UBE3C: variants seen among roughly 807,000 people sequenced by gnomAD.
UBE3C encodes ubiquitin-protein ligase E3C.
Under a neutral mutation model 129.4 loss-of-function variants are expected in UBE3C, and 42 were observed. The observed-to-expected ratio is 0.32, with a 90% CI of 0.25 to 0.42. The LOEUF (loss-of-function observed/expected upper bound fraction) is 0.42, where lower values mean the gene tolerates loss of function less well. UBE3C is among the 10% of genes least tolerant of loss of function. UBE3C has a pLI of 1.00. For missense variants in UBE3C, 1,049 were observed against 1,319.1 expected, an observed-to-expected ratio of 0.80 and a Z score of 3.17; for synonymous variants, 510 against 492.4, an observed-to-expected ratio of 1.04 and a Z score of -0.47.
At chr7:157,197,506 T>G in intron 10 of UBE3C, 8 of 816,462 alleles carry the variant, frequency 9.8e-6, no homozygotes, top group Non-Finnish European at 1.2e-5. Context: ...ATAAAAATAA[T>G]TTGTTTTTTT....
chr7:157,160,427 A>G (rs1049801882), intron 1 of UBE3C, among the ~76,000 whole-genome samples: 4 of 152,076 alleles, frequency 2.6e-5, no homozygotes, highest in Non-Finnish European at 5.9e-5. Context: ...ATTTGGGGGG[A>G]TGCCTTCTGT....
chr7:157,245,968 G>A (rs567014038), intron 18 of UBE3C, among the ~76,000 whole-genome samples: 13 of 142,770 alleles, frequency 9.1e-5, no homozygotes, highest in African/African-American at 2.3e-4. Context: ...ACTCCAGCCC[G>A]GGCAACAGAG....
chr7:157,232,266 T>C (rs1796041178), intron 18 of UBE3C, among the ~76,000 whole-genome samples: 1 of 152,200 alleles, frequency 6.6e-6, no homozygotes, highest in African/African-American at 2.4e-5. Flanking sequence ...ATTCACAGAT[T>C]AGGATTTGAA....
In UBE3C at chr7:157,257,574, A is replaced by G. The variant is rs898419100; in HGVS notation, c.3081+530A>G. On this transcript the variant is annotated intron_variant, in intron 22 of 22. Coordinates refer to ENST00000348165, the MANE Select transcript of UBE3C (RefSeq NM_014671.3). ...ACATGATGAAACCCTGTCTTTGCTAAAAATACAGAAAAATGAGCCAGGCAT... is the reference window on the plus strand; with the variant it reads ...ACATGATGAAACCCTGTCTTTGCTAGAAATACAGAAAAATGAGCCAGGCAT... 3.3e-5 allele frequency among the ~76,000 whole-genome samples: 5 copies of G among 152,008 alleles called. No individual in the cohort carries two copies. The East Asian group carries it at 9.6e-4, about 29-fold the overall frequency.
chr7:157,237,114 T>C lies in UBE3C; in HGVS notation c.2481+5787T>C, dbSNP rs1418841716. ...TAGATTCTACAGTTAAAATGGGAGA[T>C]GTATTCCTGAATTCAGTTGATTGCT... On this transcript the variant is annotated intron_variant, in intron 18 of 22. Transcript: ENST00000348165. 2.6e-5 allele frequency among the ~76,000 whole-genome samples: 4 copies of C among 152,276 alleles called. No homozygotes were observed. In the South Asian group the frequency reaches 6.2e-4, roughly 24 times the overall value.
chr7:157,206,323 C>T (rs1159000184), intron 11 of UBE3C, among the ~76,000 whole-genome samples: 2 of 152,148 alleles, frequency 1.3e-5, no homozygotes, highest in Non-Finnish European at 2.9e-5. Context: ...AGTGCAATGG[C>T]ACGATCTCGG....
rs1023528201 is a variant in UBE3C, at chr7:157,211,193, A to AGAGAGAGAGAGAGC, written c.1809+3259_1809+3260insAGAGAGAGAGAGCG. 7.9e-5 allele frequency among the ~76,000 whole-genome samples: 12 copies of AGAGAGAGAGAGAGC among 151,608 alleles called. No homozygotes were observed. The East Asian group carries it at 1.6e-3, about 20-fold the overall frequency. ...GAGAGAGAGAGAGAGAGAGAGAGAG[A>AGAGAGAGAGAGAGC]GCCATACTATGAGTGATTTTTTTAC... On this transcript the variant is annotated intron_variant, in intron 13 of 22. Transcript: ENST00000348165.
intron 1 of UBE3C, among the ~76,000 whole-genome samples, chr7:157,159,578 C>T (rs148888486): frequency 6.6e-6 from 1 of 152,330 alleles, no homozygotes; most frequent in Non-Finnish European, 1.5e-5. Context: ...TGATTAAATA[C>T]CATTTGCAGC....
chr7:157,164,627 AT>A, intron 2 of UBE3C: 1 of 357,202 alleles, frequency 2.8e-6, no homozygotes, highest in South Asian at 2.1e-5. Flanking sequence ...TTAATCAGCA[AT>A]TGTACTATCT....
intron 1 of UBE3C, chr7:157,140,103 A>G: frequency 1.1e-6 from 1 of 921,896 alleles, no homozygotes. Flanking sequence ...GAAGACGGGC[A>G]TCAGTTGGTT....
chr7:157,207,816 A>G lies in UBE3C; in HGVS notation c.1690A>G (p.Thr564Ala). 6.2e-7 allele frequency: 1 copy of G among 1,614,160 alleles called. No individual in the cohort carries two copies. Among genetic ancestry groups the G allele is most frequent in the East Asian group, 2.2e-5 (1 of 44,878 alleles). Residue 564 changes from threonine (T) to alanine (A), a missense_variant, in exon 13 of 23, where the codon ACC (threonine) becomes GCC (alanine). Physicochemically the swap from Thr to Ala is moderately conservative, Grantham distance 58 (BLOSUM62 0). This residue lies in a region of UBE3C where 314 missense variants were observed against 416.9 expected (regional missense o/e 0.75). Transcript: ENST00000348165. ...GATCATCAAGTTGGCTTATCCAGAAACCAAGCCAGAAGTTCGAGAAGAATA... is the reference window on the plus strand; with the variant it reads ...GATCATCAAGTTGGCTTATCCAGAAGCCAAGCCAGAAGTTCGAGAAGAATA... ...LGIIKLAYPE[T>A]KPEVREEYIT...
At chr7:157,258,492 G>A (rs1435411130) in intron 22 of UBE3C, among the ~76,000 whole-genome samples, 1 of 151,450 alleles carries the variant, frequency 6.6e-6, no homozygotes. Context: ...TTACTCTGTC[G>A]CCCAGGCTGG....
At chr7:157,217,600 G>A (rs1795617831) in intron 14 of UBE3C, among the ~76,000 whole-genome samples, 1 of 152,160 alleles carries the variant, frequency 6.6e-6, no homozygotes, top group Admixed American at 6.5e-5. Context: ...ACTTGGGGAA[G>A]CCGACGGGCA....
At chr7:157,267,437 C>CA in intron 22 of UBE3C, 148 bp from the exon 23 acceptor site, 1 of 1,009,420 alleles carries the variant, frequency 9.9e-7, no homozygotes, top group South Asian at 1.5e-5. Context: ...AAACAAACAA[C>CA]AACAACAAAG....
Position 157,201,751 on chromosome 7 carries a change from G to C in UBE3C, c.1362G>C (p.Arg454Ser), listed in dbSNP as rs747052922. 2.5e-6 allele frequency: 4 copies of C among 1,606,094 alleles called. No homozygotes were observed. Among genetic ancestry groups the C allele is most frequent in the Non-Finnish European group, 3.4e-6 (4 of 1,177,244 alleles). ...RLLYSLAFNA[R>S]FLRHLWFLIS... ...TCTACAGTTTAGCCTTTAATGCCAGGTTTCTGAGACATCTTTGGTTTCTAA... is the reference window on the plus strand; with the variant it reads ...TCTACAGTTTAGCCTTTAATGCCAGCTTTCTGAGACATCTTTGGTTTCTAA... Residue 454 changes from arginine to serine, a missense_variant, in exon 11 of 23, where the codon AGG (arginine) becomes AGC (serine). This residue lies in a region of UBE3C where 314 missense variants were observed against 416.9 expected (regional missense o/e 0.75). Coordinates refer to ENST00000348165, the MANE Select transcript of UBE3C (RefSeq NM_014671.3).
chr7:157,241,267 C>A (rs1435576329), intron 18 of UBE3C, among the ~76,000 whole-genome samples: 1 of 152,068 alleles, frequency 6.6e-6, no homozygotes, highest in Non-Finnish European at 1.5e-5. Flanking sequence ...GCACAAAAAA[C>A]AAAAGGAAAA....
At chr7:157,206,254 C>G (rs2117003308) in intron 11 of UBE3C, among the ~76,000 whole-genome samples, 1 of 152,238 alleles carries the variant, frequency 6.6e-6, no homozygotes, top group East Asian at 1.9e-4. Flanking sequence ...TATATCGTAG[C>G]TCTTTTTTAT....
Position 157,266,556 on chromosome 7 carries a change from A to G in UBE3C, c.3082-1029A>G, listed in dbSNP as rs1370299123. On this transcript the variant is annotated intron_variant, in intron 22 of 22. Coordinates refer to ENST00000348165, the MANE Select transcript of UBE3C (RefSeq NM_014671.3). ...AGAATTCCTCTTGATTTTAGTGGTCACTTATCACTGCCTAGATCCATTGTT... is the reference window on the plus strand; with the variant it reads ...AGAATTCCTCTTGATTTTAGTGGTCGCTTATCACTGCCTAGATCCATTGTT... Among the ~76,000 whole-genome samples, 3 of 152,168 alleles carry G rather than the reference A, an allele frequency of 2.0e-5. No homozygotes were observed. The East Asian group carries it at 5.8e-4, about 29-fold the overall frequency.
At chr7:157,201,637 CTTTTTT>C (rs10713758) in intron 10 of UBE3C, 78 bp from the exon 11 acceptor site, 4 of 222,480 alleles carry the variant, frequency 1.8e-5, no homozygotes, top group African/African-American at 1.1e-4. Flanking sequence ...CAGTGTATCG[CTTTTTT>C]TTTTTTTTTT....
Sources: gnomAD v4.1 joint callset for allele counts (sites outside exome capture counted in the v4.1 genomes callset) on GRCh38, gnomAD v4.1.1 for gene constraint, gnomAD v4.1.1 regional missense constraint, MANE v1.5 for transcripts, NCBI Gene and HGNC (gene_info 2026-07-23, HGNC 2026-07-21) for gene names.